ASIC2: variants seen among roughly 807,000 people sequenced by gnomAD.
ASIC2 encodes acid sensing ion channel subunit 2.
Under a neutral mutation model 57.3 loss-of-function variants are expected in ASIC2, and 25 were observed. That is an observed-to-expected ratio of 0.44 (90% confidence interval 0.32 to 0.61). ASIC2 has a LOEUF of 0.61. Ranked by LOEUF, ASIC2 falls within the 20% of genes least tolerant of loss-of-function variation. The pLI, the probability that ASIC2 is intolerant of heterozygous loss-of-function variation, is 0.06. For synonymous variants in ASIC2, 319 were observed against 307.5 expected (o/e 1.04, Z -0.39); for missense variants, 641 against 738.1 (o/e 0.87, Z 1.52).
intron 1 of ASIC2, among the ~76,000 whole-genome samples, chr17:33,927,571 C>T (rs1332043163): frequency 6.6e-6 from 1 of 152,198 alleles, no homozygotes; most frequent in Non-Finnish European, 1.5e-5. Flanking sequence ...CCTGGGCTTC[C>T]CAGCCTTCGG....
intron 1 of ASIC2, chr17:33,955,058 A>G (rs1904692669): frequency 6.6e-6 from 1 of 152,228 alleles, no homozygotes; most frequent in Non-Finnish European, 1.5e-5. Flanking sequence ...GTAGGTAGGT[A>G]GGATGTAGGT....
At chr17:33,687,128 C>A (rs12452991) in intron 1 of ASIC2, among the ~76,000 whole-genome samples, 70,871 of 151,726 alleles carry the variant, frequency 0.47, 16,752 homozygotes, top group East Asian at 0.53. Flanking sequence ...ATGCTTTCTT[C>A]ATAGGATTGT....
chr17:33,258,240 G>A (rs1157431797), intron 1 of ASIC2, among the ~76,000 whole-genome samples: 1 of 152,190 alleles, frequency 6.6e-6, no homozygotes, highest in East Asian at 1.9e-4. Context: ...TACACTGGGT[G>A]CTGCCCTTGA....
chr17:33,134,226 G>A (rs1465630910), intron 1 of ASIC2, among the ~76,000 whole-genome samples: 1 of 152,252 alleles, frequency 6.6e-6, no homozygotes, highest in Non-Finnish European at 1.5e-5. Flanking sequence ...GCCAAGCTCA[G>A]AAAGGTTAAG....
intron 1 of ASIC2, among the ~76,000 whole-genome samples, chr17:33,753,823 G>A (rs1317668087): frequency 1.3e-5 from 2 of 152,156 alleles, no homozygotes; most frequent in African/African-American, 2.4e-5. Context: ...GTTCATCCAC[G>A]AGGTCTCAAA....
At chr17:33,484,268 A>G (rs1387456206) in intron 1 of ASIC2, among the ~76,000 whole-genome samples, 5 of 152,226 alleles carry the variant, frequency 3.3e-5, no homozygotes, top group Admixed American at 1.3e-4. Flanking sequence ...AAAAAGAGCA[A>G]CATATTATAC....
At chr17:33,281,479 C>T (rs1259038585) in intron 1 of ASIC2, among the ~76,000 whole-genome samples, 2 of 152,208 alleles carry the variant, frequency 1.3e-5, no homozygotes, top group Non-Finnish European at 2.9e-5. Flanking sequence ...TTACACTAAA[C>T]ATTTATCCAC....
chr17:33,963,932 C>A (rs987490695), intron 1 of ASIC2, among the ~76,000 whole-genome samples: 1 of 152,190 alleles, frequency 6.6e-6, no homozygotes, highest in East Asian at 1.9e-4. Context: ...GGGACTGAGA[C>A]CCTTTCTGCC....
At chr17:34,112,457 CAA>C (rs35815808) in intron 1 of ASIC2, among the ~76,000 whole-genome samples, 41 of 79,896 alleles carry the variant, frequency 5.1e-4, no homozygotes, top group Admixed American at 7.8e-4. Context: ...CAAGACAGGC[CAA>C]AAAAAAAAAA....
At chr17:34,070,587 C>G (rs1909361027) in intron 1 of ASIC2, 1 of 152,200 alleles carries the variant, frequency 6.6e-6, no homozygotes, top group African/African-American at 2.4e-5. Context: ...TCCATAGGCT[C>G]CCTGAGTCCC....
intron 1 of ASIC2, among the ~76,000 whole-genome samples, chr17:33,885,067 C>T (rs1441667925): frequency 6.6e-6 from 1 of 152,162 alleles, no homozygotes; most frequent in African/African-American, 2.4e-5. Flanking sequence ...CCCCTACTTA[C>T]CAGCTCCACT....
At chr17:33,308,148 C>T (rs1207956221) in intron 1 of ASIC2, among the ~76,000 whole-genome samples, 1 of 152,186 alleles carries the variant, frequency 6.6e-6, no homozygotes, top group African/African-American at 2.4e-5. Flanking sequence ...TAACAGATTT[C>T]TTGCCTGGGA....
chr17:33,640,225 A>T (rs1906515500), intron 1 of ASIC2, among the ~76,000 whole-genome samples: 1 of 152,090 alleles, frequency 6.6e-6, no homozygotes, highest in South Asian at 2.1e-4. Flanking sequence ...GAGAGGAGAG[A>T]GAAAAGCTGC....
chr17:33,368,616 G>A (rs574760333), intron 1 of ASIC2, among the ~76,000 whole-genome samples: 2 of 152,288 alleles, frequency 1.3e-5, no homozygotes, highest in Admixed American at 6.5e-5. Flanking sequence ...ACTGAGTTGC[G>A]TGACTTAACC....
intron 3 of ASIC2, among the ~76,000 whole-genome samples, chr17:33,049,694 G>A (rs553978220): frequency 8.5e-5 from 13 of 152,198 alleles, no homozygotes; most frequent in East Asian, 3.9e-4. Flanking sequence ...GTTGAGCCTC[G>A]GTTTCCTCAT....
intron 1 of ASIC2, among the ~76,000 whole-genome samples, chr17:33,249,604 G>A (rs576613136): frequency 2.1e-4 from 32 of 152,176 alleles, no homozygotes; most frequent in Middle Eastern, 3.2e-3. Flanking sequence ...TCAGTGGTGG[G>A]AGGTATAACA....
chr17:33,408,087 C>T (rs1010408110), intron 1 of ASIC2, among the ~76,000 whole-genome samples: 1 of 152,176 alleles, frequency 6.6e-6, no homozygotes, highest in African/African-American at 2.4e-5. Context: ...TGGGGAATGA[C>T]TTCTCATGAG....
chr17:33,650,961 A>G (rs960492257), intron 1 of ASIC2, among the ~76,000 whole-genome samples: 1 of 152,244 alleles, frequency 6.6e-6, no homozygotes, highest in African/African-American at 2.4e-5. Flanking sequence ...TAGTTTTGCA[A>G]GATGTTACCA....
At chr17:33,217,164 C>T (rs551513481) in intron 1 of ASIC2, among the ~76,000 whole-genome samples, 60 of 152,308 alleles carry the variant, frequency 3.9e-4, no homozygotes, top group Non-Finnish European at 6.3e-4. Flanking sequence ...AGAGCCCCTG[C>T]TCTTGGACAG....
Sources: gnomAD v4.1 joint callset for allele counts (sites outside exome capture counted in the v4.1 genomes callset) on GRCh38, gnomAD v4.1.1 for gene constraint, MANE v1.5 for transcripts, NCBI Gene and HGNC (gene_info 2026-07-23, HGNC 2026-07-21) for gene names.